FUT9: variants seen among roughly 807,000 people sequenced by gnomAD.
The protein encoded by FUT9 is 4-galactosyl-N-acetylglucosaminide 3-alpha-L-fucosyltransferase 9.
FUT9 carries 15 observed loss-of-function variants against 29.7 expected under a neutral mutation model. The ratio of observed to expected loss-of-function variants is 0.51; its 90% confidence interval spans 0.34 to 0.78. FUT9 has a LOEUF of 0.78. Among genes scored for constraint, FUT9 ranks in the 30% least tolerant of loss-of-function variants. The pLI is 0.01. For synonymous variants in FUT9, 169 were observed against 153.7 expected (o/e 1.10, Z -0.74); for missense variants, 319 against 425.4 (o/e 0.75, Z 2.20).
chr6:96,144,598 C>A (rs1344884609), intron 2 of FUT9, among the ~76,000 whole-genome samples: 2 of 152,106 alleles, frequency 1.3e-5, no homozygotes, highest in Non-Finnish European at 2.9e-5. Flanking sequence ...ATTAAAAACA[C>A]CATGGATCTC....
At chr6:96,072,533 A>G (rs1771079800) in intron 1 of FUT9, among the ~76,000 whole-genome samples, 1 of 152,176 alleles carries the variant, frequency 6.6e-6, no homozygotes, top group Admixed American at 6.5e-5. Flanking sequence ...TAAAATTACT[A>G]TTCCATAAAA....
rs78600362 is a variant in FUT9, at chr6:96,119,285, C to T, written c.-9+5158C>T. ...TCTTGTATACAGTATTTTTACTGTA[C>T]CTTTTCTATGTTTAGATATACAAAT... On this transcript the variant is annotated intron_variant, in intron 2 of 2. Transcript: ENST00000302103. Among the ~76,000 whole-genome samples the T allele has an allele frequency of 2.0e-5, 3 of 152,168 alleles. No individual in the cohort carries two copies. The East Asian group carries it at 5.8e-4, about 29-fold the overall frequency.
At position 96,147,412 on chromosome 6, in the gene FUT9, G is replaced by A. The variant is rs1033094559; in HGVS notation, c.-9+33285G>A. On this transcript the variant is annotated intron_variant, in intron 2 of 2. Coordinates refer to ENST00000302103, the MANE Select transcript of FUT9 (RefSeq NM_006581.4). Reference sequence around the variant, plus strand: ...TGGAACTCCTGACTTCAGGTGATCCGCCTGCCTCAGCCTCCCAAAATGCTG... The same window carrying A: ...TGGAACTCCTGACTTCAGGTGATCCACCTGCCTCAGCCTCCCAAAATGCTG... Among the ~76,000 whole-genome samples the A allele has an allele frequency of 3.9e-5, 6 of 151,920 alleles. No individual in the cohort carries two copies. In the South Asian group the frequency reaches 8.3e-4, roughly 21 times the overall value.
chr6:96,185,206 T>A (rs1773384489), intron 2 of FUT9, among the ~76,000 whole-genome samples: 2 of 152,106 alleles, frequency 1.3e-5, no homozygotes, highest in Non-Finnish European at 2.9e-5. Flanking sequence ...GCCATCGTGT[T>A]TGTTTTGAAT....
At chr6:96,092,728 G>A (rs1253401572) in intron 1 of FUT9, among the ~76,000 whole-genome samples, 2 of 151,980 alleles carry the variant, frequency 1.3e-5, no homozygotes, top group African/African-American at 4.8e-5. Flanking sequence ...GGAGATGCGA[G>A]GTCAAATTCC....
intron 1 of FUT9, among the ~76,000 whole-genome samples, chr6:96,112,172 C>T (rs895151035): frequency 3.3e-5 from 5 of 152,270 alleles, no homozygotes; most frequent in East Asian, 3.9e-4. Flanking sequence ...ATTTGACCCA[C>T]GGCTACCAAT....
chr6:96,117,357 T>C (rs1481667882), intron 2 of FUT9, among the ~76,000 whole-genome samples: 1 of 152,184 alleles, frequency 6.6e-6, no homozygotes, highest in Non-Finnish European at 1.5e-5. Flanking sequence ...ATGAGAGATG[T>C]AGATATTAAT....
intron 1 of FUT9, among the ~76,000 whole-genome samples, chr6:96,049,166 T>C (rs1770619311): frequency 6.6e-6 from 1 of 152,136 alleles, no homozygotes; most frequent in African/African-American, 2.4e-5. Flanking sequence ...CAGAAAGTAA[T>C]GGATAGGAAG....
chr6:96,047,259 ATAAG>A (rs1468061963), intron 1 of FUT9, among the ~76,000 whole-genome samples: 2 of 152,210 alleles, frequency 1.3e-5, no homozygotes, highest in Non-Finnish European at 2.9e-5. Context: ...TGCAAATTTT[ATAAG>A]TATGTGTGAC....
chr6:96,073,328 A>G (rs968752722), intron 1 of FUT9, among the ~76,000 whole-genome samples: 1 of 152,056 alleles, frequency 6.6e-6, no homozygotes, highest in Non-Finnish European at 1.5e-5. Context: ...ACACCCCTGT[A>G]GTCCCAGCTA....
At chr6:96,167,689 A>G (rs1158336095) in intron 2 of FUT9, among the ~76,000 whole-genome samples, 2 of 152,220 alleles carry the variant, frequency 1.3e-5, no homozygotes, top group East Asian at 1.9e-4. Context: ...AGAGTAGAGT[A>G]AGGAATTCAG....
intron 1 of FUT9, among the ~76,000 whole-genome samples, chr6:96,078,905 G>T (rs571288714): frequency 6.6e-6 from 1 of 152,184 alleles, no homozygotes; most frequent in Non-Finnish European, 1.5e-5. Flanking sequence ...TTAGGCTTTT[G>T]CTTCTCCTTG....
chr6:96,063,349 C>T (rs1190392264), intron 1 of FUT9, among the ~76,000 whole-genome samples: 5 of 152,090 alleles, frequency 3.3e-5, no homozygotes, highest in African/African-American at 7.2e-5. Context: ...CCTCAGGAAG[C>T]TTACAATCAT....
At chr6:96,069,663 G>T (rs1390488596) in intron 1 of FUT9, among the ~76,000 whole-genome samples, 1 of 150,874 alleles carries the variant, frequency 6.6e-6, no homozygotes, top group Non-Finnish European at 1.5e-5. Context: ...GAGTCTCAAG[G>T]CTCTGTCGCC....
chr6:96,193,188 C>A (rs1247924615), intron 2 of FUT9, among the ~76,000 whole-genome samples: 17 of 18,396 alleles, frequency 9.2e-4, no homozygotes, highest in Admixed American at 8.0e-3. Flanking sequence ...GCAACAAAAG[C>A]CAAAATAGAC....
intron 2 of FUT9, among the ~76,000 whole-genome samples, chr6:96,121,894 T>G (rs1042197744): frequency 6.6e-6 from 1 of 152,112 alleles, no homozygotes; most frequent in African/African-American, 2.4e-5. Context: ...TATATGCCTC[T>G]TGATTTTATG....
At position 96,211,242 on chromosome 6, in the gene FUT9, A is replaced by C. The variant is rs566222963; in HGVS notation, c.*7007A>C. 6.0e-6 allele frequency: 1 copy of C among 166,772 alleles called. No homozygotes were observed. Among genetic ancestry groups the C allele is most frequent in the East Asian group, 1.9e-4 (1 of 5,192 alleles). The allele number at this position is 166,772 out of a possible 1,614,324, so 10.3% of individuals were successfully genotyped here. A position where few individuals can be genotyped will look rare whatever the true frequency, so the allele number is the denominator to read the frequency against. On this transcript the variant is annotated 3_prime_UTR_variant, in exon 3 of 3. Transcript: ENST00000302103. ...GCATTGTTTGCATTACTAAATATATATACCATTTCTTAAGATAATTGGAAC... is the reference window on the plus strand; with the variant it reads ...GCATTGTTTGCATTACTAAATATATCTACCATTTCTTAAGATAATTGGAAC...
chr6:96,195,669 TATA>T (rs1773611214), intron 2 of FUT9, among the ~76,000 whole-genome samples: 1 of 152,202 alleles, frequency 6.6e-6, no homozygotes, highest in Non-Finnish European at 1.5e-5. Flanking sequence ...TAATTTGGTG[TATA>T]ATAGCTAAAG....
intron 1 of FUT9, among the ~76,000 whole-genome samples, chr6:96,017,106 T>A (rs1769994365): frequency 6.6e-6 from 1 of 152,196 alleles, no homozygotes. Flanking sequence ...AACAACACTA[T>A]CAAAAGCTCA....
Sources: allele counts gnomAD v4.1 joint callset (sites outside exome capture counted in the v4.1 genomes callset), GRCh38; gene constraint gnomAD v4.1.1; transcripts MANE v1.5; gene names NCBI Gene and HGNC (gene_info 2026-07-23, HGNC 2026-07-21).